CCDC6: variants seen among roughly 807,000 people sequenced by gnomAD.
CCDC6 encodes the protein coiled-coil domain-containing protein 6.
A neutral mutation model predicts 56.6 loss-of-function variants in CCDC6; 20 were observed. The ratio of observed to expected loss-of-function variants is 0.35; its 90% CI spans 0.25 to 0.51. CCDC6 has a LOEUF of 0.51. CCDC6 is among the 20% of genes least tolerant of loss of function. The pLI, the probability that CCDC6 is intolerant of heterozygous loss-of-function variation, is 0.95. For missense variants in CCDC6, 367 were observed against 601.1 expected, an observed-to-expected ratio of 0.61 and a Z score of 4.07; for synonymous variants, 241 against 234.4, an observed-to-expected ratio of 1.03 and a Z score of -0.26.
intron 6 of CCDC6, 137 bp downstream of exon 6, chr10:59,806,785 G>T: frequency 3.2e-6 from 2 of 621,508 alleles, no homozygotes; most frequent in Non-Finnish European, 5.3e-6. Context: ...CTACTATAAC[G>T]CAGTGGCATT....
rs2071495645 is a variant in CCDC6, at chr10:59,900,262, A to G, written c.303+5860T>C. ...AGGTGCATACCCCAGTAGCAGGTGC[A>G]TACCCCGGTGTGTGGCTGACAAAGA... On this transcript the variant is annotated intron_variant, in intron 1 of 8. Transcript: ENST00000263102. Among the ~76,000 whole-genome samples, 5 of 152,278 alleles carry G rather than the reference A, an allele frequency of 3.3e-5. No individual in the cohort carries two copies. The South Asian group carries it at 1.0e-3, about 32-fold the overall frequency.
chr10:59,829,664 C>A (rs2132642226), intron 3 of CCDC6, among the ~76,000 whole-genome samples: 1 of 152,226 alleles, frequency 6.6e-6, no homozygotes, highest in East Asian at 1.9e-4. Flanking sequence ...TCACAAAAGA[C>A]CACATATTAT....
rs114504985 is a variant in CCDC6 at position 59,836,398 on chromosome 10, G to A, written c.454-3745C>T. ...CAGGGTGACTCAAGACTAGCTGTCA[G>A]TTTCACCTCTGATGCCCATCTTCAA... is the stretch of plus-strand genomic sequence containing the variant. On this transcript the variant is annotated intron_variant, in intron 2 of 8. Coordinates refer to ENST00000263102, the MANE Select transcript of CCDC6 (RefSeq NM_005436.5). Among the ~76,000 whole-genome samples, 346 of 152,304 alleles carry A rather than the reference G, an allele frequency of 2.3e-3. 2 individuals carry two copies. Among genetic ancestry groups the A allele is most frequent in the African/African-American group, 8.0e-3 (331 of 41,572 alleles).
chr10:59,861,394 C>T (rs1422772694), intron 1 of CCDC6, among the ~76,000 whole-genome samples: 2 of 129,530 alleles, frequency 1.5e-5, no homozygotes, highest in African/African-American at 5.8e-5. Flanking sequence ...CTCTACTGGT[C>T]TTCTACACAC....
chr10:59,877,118 G>T (rs968639772), intron 1 of CCDC6, among the ~76,000 whole-genome samples: 1 of 152,154 alleles, frequency 6.6e-6, no homozygotes, highest in African/African-American at 2.4e-5. Flanking sequence ...CTTACACACA[G>T]TCCATCGCAG....
chr10:59,856,800 A>G (rs1391680030), intron 1 of CCDC6, among the ~76,000 whole-genome samples: 1 of 152,214 alleles, frequency 6.6e-6, no homozygotes, highest in Non-Finnish European at 1.5e-5. Context: ...CCAATTCAAA[A>G]TTAAAAATCC....
At chr10:59,866,198 G>T (rs905168265) in intron 1 of CCDC6, among the ~76,000 whole-genome samples, 3 of 152,182 alleles carry the variant, frequency 2.0e-5, no homozygotes, top group Admixed American at 2.0e-4. Flanking sequence ...CCCTGAAGGG[G>T]TATATAATCC....
intron 7 of CCDC6, among the ~76,000 whole-genome samples, chr10:59,803,652 T>C (rs2070595108): frequency 6.6e-6 from 1 of 152,222 alleles, no homozygotes; most frequent in South Asian, 2.1e-4. Flanking sequence ...GATCAGCTAC[T>C]TGCCTCCCTG....
intron 1 of CCDC6, among the ~76,000 whole-genome samples, chr10:59,900,997 G>A (rs2071500538): frequency 6.6e-6 from 1 of 152,152 alleles, no homozygotes; most frequent in African/African-American, 2.4e-5. Context: ...GGCAGAGGTT[G>A]CAGTGAACTG....
rs1411223311 is a variant in CCDC6, at chr10:59,820,747, C to CA, written c.583-5993dup. Among the ~76,000 whole-genome samples the CA allele has an allele frequency of 2.8e-4, 38 of 136,676 alleles. No individual in the cohort carries two copies. The South Asian group carries it at 3.8e-3, about 14-fold the overall frequency. 89.7% of individuals were successfully genotyped at this position (136,676 alleles called of 152,430 possible). On this transcript the variant is annotated intron_variant, in intron 3 of 8. Coordinates refer to ENST00000263102, the MANE Select transcript of CCDC6 (RefSeq NM_005436.5). ...TGGGTGTCAGAGCAAGACTCTGTCT[C>CA]AAAAAAAAAGAACGAATGAATGAAC... is the stretch of plus-strand genomic sequence containing the variant.
intron 1 of CCDC6, among the ~76,000 whole-genome samples, chr10:59,882,577 GAAA>G (rs2071351090): frequency 7.2e-6 from 1 of 138,200 alleles, no homozygotes; most frequent in African/African-American, 2.6e-5. Flanking sequence ...CGGGGAGAAG[GAAA>G]GGAAAGCCGC....
At chr10:59,855,386 T>G (rs2071073079) in intron 1 of CCDC6, among the ~76,000 whole-genome samples, 3 of 152,098 alleles carry the variant, frequency 2.0e-5, no homozygotes, top group Admixed American at 2.0e-4. Context: ...GCAAAGATGG[T>G]GAAACTCCAT....
At chr10:59,859,699 T>C (rs912684460) in intron 1 of CCDC6, among the ~76,000 whole-genome samples, 2 of 151,958 alleles carry the variant, frequency 1.3e-5, no homozygotes, top group Non-Finnish European at 2.9e-5. Flanking sequence ...TTAATACACA[T>C]GTAAGTAAAG....
At chr10:59,840,996 T>C (rs2070933335) in intron 2 of CCDC6, among the ~76,000 whole-genome samples, 1 of 152,208 alleles carries the variant, frequency 6.6e-6, no homozygotes, top group African/African-American at 2.4e-5. Context: ...AAGAGCTATG[T>C]AGGATCATTT....
chr10:59,906,447 G>A lies in CCDC6; in HGVS notation c.-23C>T, dbSNP rs1024359059. On this transcript the variant is annotated 5_prime_UTR_variant, in exon 1 of 9. Transcript: ENST00000263102. ...CATGGCCGCGGCGGGCTGGGGAAAGGAGGAGGAGCAGCAGGGAGGCGGCGG... is the reference window on the plus strand; with the variant it reads ...CATGGCCGCGGCGGGCTGGGGAAAGAAGGAGGAGCAGCAGGGAGGCGGCGG... The A allele has an allele frequency of 3.4e-6, 5 of 1,486,172 alleles. No homozygotes were observed. The African/African-American group carries it at 5.8e-5, about 17-fold the overall frequency. The allele number at this position is 1,486,172 out of a possible 1,614,324, so 92.1% of individuals were successfully genotyped here. A position where few individuals can be genotyped will look rare whatever the true frequency, so the allele number is the denominator to read the frequency against.
chr10:59,831,969 C>T (rs2070838736), intron 3 of CCDC6, among the ~76,000 whole-genome samples: 1 of 152,144 alleles, frequency 6.6e-6, no homozygotes, highest in African/African-American at 2.4e-5. Context: ...AAATGGAGAA[C>T]CTGAGCCCAG....
At chr10:59,896,221 G>A (rs2071461921) in intron 1 of CCDC6, among the ~76,000 whole-genome samples, 1 of 151,970 alleles carries the variant, frequency 6.6e-6, no homozygotes, top group African/African-American at 2.4e-5. Flanking sequence ...ATGCTATCAA[G>A]GAAATTAAAT....
chr10:59,807,957 T>C (rs1161976539), intron 5 of CCDC6, among the ~76,000 whole-genome samples: 2 of 152,214 alleles, frequency 1.3e-5, no homozygotes, highest in Admixed American at 1.3e-4. Flanking sequence ...GACATTGACA[T>C]AGTAAACTAG....
intron 3 of CCDC6, among the ~76,000 whole-genome samples, chr10:59,830,768 T>C (rs939554382): frequency 3.9e-5 from 6 of 152,182 alleles, no homozygotes; most frequent in Admixed American, 1.3e-4. Context: ...CCAGGAACAA[T>C]AGGATGAGAC....
Sources: gnomAD v4.1 joint callset for allele counts (sites outside exome capture counted in the v4.1 genomes callset) on GRCh38, gnomAD v4.1.1 for gene constraint, MANE v1.5 for transcripts, NCBI Gene and HGNC (gene_info 2026-07-23, HGNC 2026-07-21) for gene names.